Variants in SNRPN observed in about 807,000 individuals in gnomAD.
SNRPN encodes small nuclear ribonucleoprotein-associated protein N.
SNRPN carries 7 observed loss-of-function variants against 25.2 expected under a neutral mutation model. That is an observed-to-expected ratio of 0.28 (90% CI 0.16 to 0.52). The LOEUF (loss-of-function observed/expected upper bound fraction) is 0.52. Among genes scored for constraint, SNRPN ranks in the 20% least tolerant of loss-of-function variants. SNRPN has a pLI of 0.96. For synonymous variants in SNRPN, 124 were observed against 110.6 expected (o/e 1.12, Z -0.76); for missense variants, 196 against 322.5 (o/e 0.61, Z 3.00).
At chr15:24,908,201 A>T (rs2058976773) in intron 2 of SNRPN, among the ~76,000 whole-genome samples, 1 of 152,088 alleles carries the variant, frequency 6.6e-6, no homozygotes, top group Non-Finnish European at 1.5e-5. Context: ...TTCTTTATAG[A>T]TTTCCTAGGC....
intron 7 of SNRPN, 57 bp downstream of exon 7, chr15:24,977,086 C>T (rs565676905): frequency 2.5e-5 from 36 of 1,413,772 alleles, no homozygotes; most frequent in African/African-American, 2.2e-4. Flanking sequence ...AGCCGGAGGC[C>T]GAGGAGATTT....
rs1268720557 is a variant in SNRPN at position 24,975,230 on chromosome 15, AAGG to A, written c.4-125_4-123del. 20 of 710,328 alleles carry A rather than the reference AAGG, an allele frequency of 2.8e-5. No homozygotes were observed. In the East Asian group the frequency reaches 4.7e-4, roughly 17 times the overall value. The allele number at this position is 710,328 out of a possible 1,614,324, so 44.0% of individuals were successfully genotyped here. On this transcript the variant is annotated intron_variant, in intron 4 of 9. Coordinates refer to ENST00000390687, the MANE Select transcript of SNRPN (RefSeq NM_003097.6). ...TAAATATGGAAGAATGTTGGTGAAA[AAGG>A]AGAGAATATTTGTTTAGTTAAGGAA...
At chr15:24,932,477 G>A (rs553875512) in intron 3 of SNRPN, among the ~76,000 whole-genome samples, 16 of 151,370 alleles carry the variant, frequency 1.1e-4, no homozygotes, top group Admixed American at 6.6e-4. Flanking sequence ...CAGGTGATCC[G>A]CCTGCCTCAG....
Position 24,978,599 on chromosome 15 carries a change from A to G in SNRPN, c.*155A>G, listed in dbSNP as rs898166830. On this transcript the variant is annotated 3_prime_UTR_variant, in exon 10 of 10. Coordinates refer to ENST00000390687, the MANE Select transcript of SNRPN (RefSeq NM_003097.6). ...TAAACTGTGAGGTACTGTTGTATATATTTTTTTGCCTGTTGATTTTGATGA... is the reference window on the plus strand; with the variant it reads ...TAAACTGTGAGGTACTGTTGTATATGTTTTTTTGCCTGTTGATTTTGATGA... The G allele has an allele frequency of 8.2e-6, 6 of 734,962 alleles. No individual in the cohort carries two copies. Among genetic ancestry groups the G allele is most frequent in the African/African-American group, 1.8e-5 (1 of 56,794 alleles). 45.5% of individuals were successfully genotyped at this position (734,962 alleles called of 1,614,324 possible). A position where few individuals can be genotyped will look rare whatever the true frequency, so the allele number is the denominator to read the frequency against.
chr15:24,936,465 T>C (rs1425246046), intron 3 of SNRPN, among the ~76,000 whole-genome samples: 1 of 152,088 alleles, frequency 6.6e-6, no homozygotes, highest in Non-Finnish European at 1.5e-5. Flanking sequence ...TAGTGATAGT[T>C]AGGTCAGGAA....
intron 1 of SNRPN, among the ~76,000 whole-genome samples, chr15:24,878,198 T>C (rs915889705): frequency 6.6e-6 from 1 of 152,244 alleles, no homozygotes; most frequent in Admixed American, 6.5e-5. Context: ...TCCAATCTGA[T>C]AGAGAGCTCT....
chr15:24,951,092 C>T (rs559833146), upstream of SNRPN, among the ~76,000 whole-genome samples: 9 of 152,230 alleles, frequency 5.9e-5, no homozygotes, highest in South Asian at 1.5e-3. Context: ...ACCTCCTGAT[C>T]TCAGGTGATC....
intron 3 of SNRPN, among the ~76,000 whole-genome samples, chr15:24,973,566 T>C (rs1433851435): frequency 6.6e-6 from 1 of 151,880 alleles, no homozygotes; most frequent in Non-Finnish European, 1.5e-5. Flanking sequence ...CCTGGCTAAT[T>C]TTTTTGTATT....
chr15:24,892,503 G>A (rs554233517), intron 2 of SNRPN, among the ~76,000 whole-genome samples: 14 of 152,298 alleles, frequency 9.2e-5, no homozygotes, highest in Admixed American at 5.9e-4. Context: ...AAATCAGGCC[G>A]GGTGTGGTGG....
intron 1 of SNRPN, among the ~76,000 whole-genome samples, chr15:24,824,154 G>C (rs180812671): frequency 4.6e-5 from 7 of 152,206 alleles, no homozygotes; most frequent in Non-Finnish European, 1.0e-4. Context: ...GAGAGGGTCA[G>C]AGACTTTCCT....
At chr15:24,833,856 C>G (rs1211810858) in intron 2 of SNRPN, among the ~76,000 whole-genome samples, 1 of 152,090 alleles carries the variant, frequency 6.6e-6, no homozygotes, top group Non-Finnish European at 1.5e-5. Flanking sequence ...GGTGAGGACT[C>G]CCAGCCTCTT....
chr15:24,973,172 A>G (rs2076650056), intron 3 of SNRPN, among the ~76,000 whole-genome samples: 1 of 151,940 alleles, frequency 6.6e-6, no homozygotes, highest in Non-Finnish European at 1.5e-5. Flanking sequence ...TATGGGCGTG[A>G]GCCACCACAC....
intron 2 of SNRPN, among the ~76,000 whole-genome samples, chr15:24,845,824 A>C (rs988268025): frequency 6.6e-6 from 1 of 151,908 alleles, no homozygotes; most frequent in Non-Finnish European, 1.5e-5. Flanking sequence ...GTGGCTCAAG[A>C]CTGTAATCCC....
intron 4 of SNRPN, among the ~76,000 whole-genome samples, 178 bp from the exon 5 acceptor site, chr15:24,975,180 T>C (rs1040587922): frequency 5.3e-5 from 8 of 152,150 alleles, no homozygotes; most frequent in Non-Finnish European, 7.3e-5. Context: ...TTCATAATCC[T>C]TTGTGGTCCT....
At chr15:24,955,772 C>T (rs1156922316) in intron 1 of SNRPN, among the ~76,000 whole-genome samples, 2 of 150,346 alleles carry the variant, frequency 1.3e-5, no homozygotes, top group Non-Finnish European at 3.0e-5. Context: ...GTATTGGCGG[C>T]GGTGGGCATT....
intron 1 of SNRPN, among the ~76,000 whole-genome samples, chr15:24,861,011 G>A (rs1479360736): frequency 2.6e-5 from 4 of 152,076 alleles, no homozygotes; most frequent in Non-Finnish European, 4.4e-5. Context: ...AGTGCAAAGG[G>A]CACACAAGAA....
chr15:24,896,279 AT>A (rs140587476), intron 2 of SNRPN, among the ~76,000 whole-genome samples: 1,597 of 152,260 alleles, frequency 0.01, 31 homozygotes, highest in African/African-American at 0.037. Context: ...CTCTCATTCA[AT>A]TCCCTTTCCT....
chr15:24,882,369 C>G (rs2056774034), intron 1 of SNRPN, among the ~76,000 whole-genome samples: 1 of 152,070 alleles, frequency 6.6e-6, no homozygotes, highest in East Asian at 1.9e-4. Context: ...ATCCTACTTG[C>G]AATATTTTAG....
chr15:24,880,682 G>C (rs532333919), intron 1 of SNRPN, among the ~76,000 whole-genome samples: 1 of 151,826 alleles, frequency 6.6e-6, no homozygotes, highest in East Asian at 1.9e-4. Context: ...ATTAATATGT[G>C]CTCATAAATT....
Sources: allele counts gnomAD v4.1 joint callset (sites outside exome capture counted in the v4.1 genomes callset), GRCh38; gene constraint gnomAD v4.1.1; transcripts MANE v1.5; gene names NCBI Gene and HGNC (gene_info 2026-07-23, HGNC 2026-07-21).